The following GBF1 variants were observed in gnomAD, a reference collection of about 807,000 sequenced individuals.
The protein encoded by GBF1 is Golgi-specific brefeldin A-resistance guanine nucleotide exchange factor 1.
In GBF1, 114 loss-of-function variants were observed where a neutral mutation model predicts 210.5. The observed-to-expected ratio is 0.54, with a 90% CI of 0.47 to 0.63. The LOEUF is 0.63. GBF1 is among the 30% of genes least tolerant of loss of function. The pLI is 0.00. For missense variants in GBF1, 1,851 were observed against 2,357.7 expected, an observed-to-expected ratio of 0.79 and a Z score of 4.45; for synonymous variants, 850 against 889.2, an observed-to-expected ratio of 0.96 and a Z score of 0.78.
intron 3 of GBF1, among the ~76,000 whole-genome samples, chr10:102,312,143 T>C (rs753957584): frequency 7.2e-5 from 11 of 151,918 alleles, no homozygotes; most frequent in Non-Finnish European, 1.5e-4. Context: ...AATACAAAAT[T>C]AGCTGGGCGT....
the GBF1 span, among the ~76,000 whole-genome samples, chr10:102,236,620 CAGGGAGGCCACAGT>C: frequency 6.6e-6 from 1 of 152,244 alleles, no homozygotes; most frequent in East Asian, 1.9e-4. Context: ...GATCCCAGGC[CAGGGAGGCCACAGT>C]GGGGAGGCCA....
intron 8 of GBF1, among the ~76,000 whole-genome samples, chr10:102,356,202 G>C (rs766277319): frequency 2.0e-4 from 31 of 152,286 alleles, no homozygotes; most frequent in Non-Finnish European, 3.5e-4. Flanking sequence ...TGAGAGCTTG[G>C]GGGAGCTTGA....
At chr10:102,371,980 G>A (rs1245978253) in intron 29 of GBF1, among the ~76,000 whole-genome samples, 1 of 151,724 alleles carries the variant, frequency 6.6e-6, no homozygotes, top group Non-Finnish European at 1.5e-5. Flanking sequence ...CACTTTGGGG[G>A]GCTGAGGCGG....
chr10:102,288,483 G>A (rs1349915471), intron 3 of GBF1, among the ~76,000 whole-genome samples: 9 of 151,564 alleles, frequency 5.9e-5, no homozygotes, highest in Admixed American at 4.6e-4. Context: ...AGGCCGAGGC[G>A]GGCGGATCAT....
chr10:102,344,128 A>AT lies in GBF1; in HGVS notation c.242dup (p.Thr82HisfsTer22). 6.2e-7 allele frequency: 1 copy of AT among 1,613,052 alleles called. No individual in the cohort carries two copies. Among genetic ancestry groups the AT allele is most frequent in the Non-Finnish European group, 8.5e-7 (1 of 1,178,994 alleles). ...TCGCTCTGAAGATACCACTGGCCCT[A>AT]TCACTGGACTGGCACTCACCTCTGT... On this transcript the variant is annotated frameshift_variant, in exon 4 of 40. Transcript: ENST00000369983. LOFTEE classifies it high-confidence loss of function.
chr10:102,358,041 G>GA lies in GBF1; in HGVS notation c.646dup (p.Met216AsnfsTer8). On this transcript the variant is annotated frameshift_variant, in exon 9 of 40. Coordinates refer to ENST00000369983, the MANE Select transcript of GBF1 (RefSeq NM_001377137.1). LOFTEE classifies it high-confidence loss of function. ...CTAATGGGGTATGATATTTCCAGCT[G>GA]AAAATGAGAGCCGGAGGCATGAGTG... The GA allele has an allele frequency of 6.2e-7, 1 of 1,600,006 alleles. No individual in the cohort carries two copies. The highest frequency in any genetic ancestry group is 8.6e-7 in the Non-Finnish European group (1 of 1,167,164).
At chr10:102,358,785 G>T in intron 10 of GBF1, 56 bp downstream of exon 10, 1 of 1,079,678 alleles carries the variant, frequency 9.3e-7, no homozygotes, top group Non-Finnish European at 1.4e-6. Context: ...GAAATGGCTT[G>T]ATCCTTTGGA....
At chr10:102,241,654 G>A (rs2070541909), upstream of GBF1, among the ~76,000 whole-genome samples, 1 of 152,212 alleles carries the variant, frequency 6.6e-6, no homozygotes, top group South Asian at 2.1e-4. The surrounding 1 kb of genome is among the most constrained non-coding windows in gnomAD (Gnocchi z 6.7). Context: ...TCCAGGCCCC[G>A]CCTTTGAGGG....
At chr10:102,261,235 T>TTGTG (rs34325175) in intron 3 of GBF1, among the ~76,000 whole-genome samples, 2 of 150,104 alleles carry the variant, frequency 1.3e-5, no homozygotes, top group Non-Finnish European at 1.5e-5. Flanking sequence ...TACCTTATAT[T>TTGTG]TGTGTGTGTG....
chr10:102,373,892 A>G (rs1198245839), intron 29 of GBF1, among the ~76,000 whole-genome samples: 1 of 152,232 alleles, frequency 6.6e-6, no homozygotes, highest in Admixed American at 6.5e-5. Context: ...GACTTTCAAT[A>G]GGTGAATAAA....
At position 102,338,237 on chromosome 10, in the gene GBF1, C is replaced by CTTTTTT. The variant is rs398046214; in HGVS notation, c.164-5798_164-5793dup. Among the ~76,000 whole-genome samples, 77 of 114,148 alleles carry CTTTTTT rather than the reference C, an allele frequency of 6.7e-4. 2 individuals are homozygous for CTTTTTT. Among genetic ancestry groups the CTTTTTT allele is most frequent in the Middle Eastern group, 4.3e-3 (1 of 232 alleles). 74.9% of individuals were successfully genotyped at this position (114,148 alleles called of 152,430 possible). ...AGTCATAGATTCCAACAACCTTCTT[C>CTTTTTT]TTTTTTTTTTTTTTTTTTTTTGAGA... On this transcript the variant is annotated intron_variant, in intron 3 of 39. Transcript: ENST00000369983.
chr10:102,233,451 G>A, the GBF1 span, among the ~76,000 whole-genome samples: 4 of 151,566 alleles, frequency 2.6e-5, no homozygotes, highest in African/African-American at 7.3e-5. Context: ...CTACAGGCAC[G>A]TGCCCCCACG....
In GBF1 at chr10:102,371,925, C is replaced by CA. The variant is rs750951758; in HGVS notation, c.3660+1080dup. 2.1e-3 allele frequency among the ~76,000 whole-genome samples: 203 copies of CA among 97,098 alleles called. 1 individual carries two copies. The highest frequency in any genetic ancestry group is 6.3e-3 in the Middle Eastern group (1 of 160). The allele number at this position is 97,098 out of a possible 152,430, so 63.7% of individuals were successfully genotyped here. A position where few individuals can be genotyped will look rare whatever the true frequency, so the allele number is the denominator to read the frequency against. On this transcript the variant is annotated intron_variant, in intron 29 of 39. Coordinates refer to ENST00000369983, the MANE Select transcript of GBF1 (RefSeq NM_001377137.1). ...TGGGTGACAGAGTGAGATTCTGTCT[C>CA]AAAAAAAAAAAAAAAGAATCACTCT...
In GBF1 at chr10:102,382,273, A is replaced by G; in HGVS notation, c.5520A>G (p.Ser1840=). Residue 1840 remains serine, a synonymous_variant, in exon 40 of 40, where the codon TCA becomes TCG. Transcript: ENST00000369983. ...ILNPALIEAT[S]PVPLLATPRP... The stretch of plus-strand genomic sequence containing the variant: ...ACCCTGCGCTCATCGAGGCCACCTC[A>G]CCAGTGCCCCTCCTGGCCACACCCC... The G allele has an allele frequency of 6.2e-7, 1 of 1,613,858 alleles. No individual in the cohort carries two copies. Among genetic ancestry groups the G allele is most frequent in the South Asian group, 1.1e-5 (1 of 91,078 alleles).
At chr10:102,357,822 CCTT>C (rs1274055440) in intron 8 of GBF1, among the ~76,000 whole-genome samples, 2 of 152,166 alleles carry the variant, frequency 1.3e-5, no homozygotes, top group African/African-American at 4.8e-5. Context: ...CAGAATGTCA[CCTT>C]CTACATGGAG....
rs1006419230 is a variant in GBF1, at chr10:102,358,031, A to T, written c.640-8A>T. The T allele has an allele frequency of 6.3e-7, 1 of 1,581,164 alleles. No homozygotes were observed. The highest frequency in any genetic ancestry group is 8.7e-7 in the Non-Finnish European group (1 of 1,150,016). The stretch of plus-strand genomic sequence containing the variant: ...AATACCATTGCTAATGGGGTATGAT[A>T]TTTCCAGCTGAAAATGAGAGCCGGA... On this transcript the variant is annotated splice_polypyrimidine_tract_variant and splice_region_variant and intron_variant, in intron 8 of 39. Transcript: ENST00000369983.
At position 102,370,432 on chromosome 10, in the gene GBF1, G is replaced by T; in HGVS notation, c.3460G>T (p.Ala1154Ser). The T allele has an allele frequency of 6.2e-7, 1 of 1,613,626 alleles. No homozygotes were observed. Among genetic ancestry groups the T allele is most frequent in the Non-Finnish European group, 8.5e-7 (1 of 1,179,484 alleles). ...PDEETYDEED[A>S]AFCLEMLLRI... ...TGAAGAGACATATGATGAGGAAGATGCTGCTTTCTGCCTAGAGATGCTGCT... is the reference window on the plus strand; with the variant it reads ...TGAAGAGACATATGATGAGGAAGATTCTGCTTTCTGCCTAGAGATGCTGCT... Residue 1154 changes from alanine (A) to serine (S), a missense_variant, in exon 28 of 40, where the codon GCT (alanine) becomes TCT (serine). Coordinates refer to ENST00000369983, the MANE Select transcript of GBF1 (RefSeq NM_001377137.1).
intron 3 of GBF1, among the ~76,000 whole-genome samples, chr10:102,288,750 G>GAAAAAAAAAAAAAAAAAAAAAA (rs1554952959): frequency 8.2e-6 from 1 of 122,020 alleles, no homozygotes. Flanking sequence ...AAAAAAAAAC[G>GAAAAAAAAAAAAAAAAAAAAAA]AAATTACTTG....
chr10:102,377,685 T>G (rs1021334426), intron 33 of GBF1, among the ~76,000 whole-genome samples: 1 of 152,152 alleles, frequency 6.6e-6, no homozygotes, highest in Non-Finnish European at 1.5e-5. Flanking sequence ...GATTTACTTA[T>G]TTTTTGAGTA....
Sources: gnomAD v4.1 joint callset for allele counts (sites outside exome capture counted in the v4.1 genomes callset) on GRCh38, gnomAD v4.1.1 for gene constraint, Gnocchi (gnomAD v3.1) non-coding constraint, MANE v1.5 for transcripts, NCBI Gene and HGNC (gene_info 2026-07-23, HGNC 2026-07-21) for gene names.